C22orf42: variants seen among roughly 807,000 people sequenced by gnomAD.
C22orf42 encodes chromosome 22 open reading frame 42, also known as uncharacterized protein C22orf42.
In C22orf42, 24 loss-of-function variants were observed where a neutral mutation model predicts 31.4. The ratio of observed to expected loss-of-function variants is 0.77; its 90% CI spans 0.55 to 1.08. The LOEUF (loss-of-function observed/expected upper bound fraction) is 1.08, where lower values mean the gene tolerates loss of function less well. Among genes scored for constraint, C22orf42 ranks in the 50% least tolerant of loss-of-function variants. The pLI is 0.00. For synonymous variants in C22orf42, 96 were observed against 112.7 expected (o/e 0.85, Z 0.94); for missense variants, 276 against 327.3 (o/e 0.84, Z 1.21).
rs1480548771 is a variant in C22orf42, at chr22:32,149,420, G to A, written c.*120C>T. On this transcript the variant is annotated 3_prime_UTR_variant, in exon 9 of 9. Coordinates refer to ENST00000382097, the MANE Select transcript of C22orf42 (RefSeq NM_001010859.3). ...AAACTGCAGGTCACTGTTCACAGGT[G>A]CTCAGTAGGAAGAGAGAGAGGCTTG... 48 of 1,232,720 alleles carry A rather than the reference G, an allele frequency of 3.9e-5. No individual in the cohort carries two copies. Among genetic ancestry groups the A allele is most frequent in the Non-Finnish European group, 4.9e-5 (47 of 955,838 alleles). The allele number at this position is 1,232,720 out of a possible 1,614,324, so 76.4% of individuals were successfully genotyped here. A position where few individuals can be genotyped will look rare whatever the true frequency, so the allele number is the denominator to read the frequency against.
intron 1 of C22orf42, among the ~76,000 whole-genome samples, chr22:32,155,877 G>A (rs1250037327): frequency 1.3e-5 from 2 of 152,096 alleles, no homozygotes; most frequent in African/African-American, 2.4e-5. Context: ...TACAAAAAAT[G>A]TTTTAAAAAT....
intron 8 of C22orf42, 27 bp downstream of exon 8, chr22:32,149,726 T>G (rs916249311): frequency 5.8e-6 from 7 of 1,197,876 alleles, no homozygotes; most frequent in Non-Finnish European, 6.5e-6. Context: ...TATATATCTA[T>G]ATATATCTAG....
chr22:32,149,508 G>A lies in C22orf42; in HGVS notation c.*32C>T. On this transcript the variant is annotated 3_prime_UTR_variant, in exon 9 of 9. Coordinates refer to ENST00000382097, the MANE Select transcript of C22orf42 (RefSeq NM_001010859.3). Reference sequence around the variant, plus strand: ...AAAATGATTTGAGCTGGGCGTGATGGCAGGCGTCTGTAATCCCAGCTACTT... The same window carrying A: ...AAAATGATTTGAGCTGGGCGTGATGACAGGCGTCTGTAATCCCAGCTACTT... 1 of 1,507,588 alleles carries A rather than the reference G, an allele frequency of 6.6e-7. No homozygotes were observed. 93.4% of individuals were successfully genotyped at this position (1,507,588 alleles called of 1,614,324 possible). A position where few individuals can be genotyped will look rare whatever the true frequency, so the allele number is the denominator to read the frequency against.
At chr22:32,152,034 G>A (rs73881618) in intron 4 of C22orf42, 33 bp downstream of exon 4, 40,692 of 1,583,750 alleles carry the variant, frequency 0.026, 868 homozygotes, top group African/African-American at 0.11. Context: ...TCAACTACAT[G>A]TAAATAAAGC....
intron 8 of C22orf42, 55 bp from the exon 9 acceptor site, chr22:32,149,668 T>G (rs1603175140): frequency 8.0e-7 from 1 of 1,256,434 alleles, no homozygotes; most frequent in East Asian, 3.0e-5. Context: ...TATATATATA[T>G]CTACATATAT....
intron 1 of C22orf42, 146 bp downstream of exon 1, chr22:32,158,838 C>T: frequency 1.1e-6 from 1 of 882,754 alleles, no homozygotes; most frequent in Non-Finnish European, 1.8e-6. Context: ...GCCTTTGTCC[C>T]CCATGCCTAG....
chr22:32,160,002 AAAACCATATAGTGG>A, upstream of C22orf42: 3 of 152,264 alleles, frequency 2.0e-5, no homozygotes, highest in African/African-American at 7.2e-5. Flanking sequence ...CACAAAATTG[AAAACCATATAGTGG>A]GATACCACTG....
At chr22:32,150,866 T>G (rs2094111870) in intron 6 of C22orf42, 126 bp downstream of exon 6, 2 of 980,932 alleles carry the variant, frequency 2.0e-6, no homozygotes, top group African/African-American at 1.7e-5. Context: ...GTTCTAAGAT[T>G]AGATTGTAAC....
chr22:32,158,894 A>T, intron 1 of C22orf42, 90 bp downstream of exon 1: 1 of 1,403,440 alleles, frequency 7.1e-7, no homozygotes, highest in Non-Finnish European at 1.0e-6. Context: ...GAAGCTGAGG[A>T]TGTCTCTGAG....
Position 32,159,101 on chromosome 22 carries a change from TG to T in C22orf42, c.114del (p.Thr39GlnfsTer15). 6.2e-7 allele frequency: 1 copy of T among 1,614,184 alleles called. No individual in the cohort carries two copies. On this transcript the variant is annotated frameshift_variant, in exon 1 of 9. Coordinates refer to ENST00000382097, the MANE Select transcript of C22orf42 (RefSeq NM_001010859.3). LOFTEE classifies it high-confidence loss of function. Reference protein sequence around the residue: ...HECEIPETVAATAPASTTAKP... With the variant: ...HECEIPETVAXTAPASTTAKP... ...TTTGCAGTGGTGGATGCTGGTGCTG[TG>T]GCTGCCACAGTCTCAGGAATCTCAC...
Position 32,150,479 on chromosome 22 carries a change from T to G in C22orf42, c.494A>C (p.His165Pro), listed in dbSNP as rs557771058. 2.1e-4 allele frequency: 339 copies of G among 1,613,972 alleles called. No individual in the cohort carries two copies. The highest frequency in any genetic ancestry group is 2.7e-4 in the Non-Finnish European group (324 of 1,179,982). Residue 165 changes from histidine to proline, a missense_variant and splice_region_variant, in exon 7 of 9, where the codon CAT becomes CCT. His to Pro is a moderately conservative substitution (Grantham distance 77). Transcript: ENST00000382097. Reference sequence around the variant, plus strand: ...GCTTTCACTGAGATCTTCGACCAAATCTAGGAGAACATAGTGACAGTCAGT... The same window carrying G: ...GCTTTCACTGAGATCTTCGACCAAAGCTAGGAGAACATAGTGACAGTCAGT... ...IEISEAKHDH[H>P]LVEDLSESLS...
At chr22:32,149,641 C>CAA (rs142171049) in intron 8 of C22orf42, 28 bp from the exon 9 acceptor site, 38,872 of 1,224,374 alleles carry the variant, frequency 0.032, 718 homozygotes, top group African/African-American at 0.16. Context: ...GACTTCATCT[C>CAA]AAAAAAAAAA....
chr22:32,156,619 G>T (rs1217224372), intron 1 of C22orf42, among the ~76,000 whole-genome samples: 1 of 133,114 alleles, frequency 7.5e-6, no homozygotes, highest in Non-Finnish European at 1.6e-5. Flanking sequence ...GTATGTTACC[G>T]CATGTTCTCC....
intron 3 of C22orf42, 149 bp from the exon 4 acceptor site, chr22:32,152,243 G>A (rs1921005009): frequency 1.1e-6 from 1 of 938,142 alleles, no homozygotes. Flanking sequence ...CATAGAGGAT[G>A]CTTGTGGAAA....
rs1326078681 is a variant in C22orf42, at chr22:32,155,501, G to A, written c.233-1183C>T. ...ACACAGCATACCATGGAGCTGCTGC[G>A]TGCCCCAGTCCTGTGCACACTCACG... On this transcript the variant is annotated intron_variant, in intron 1 of 8. Transcript: ENST00000382097. Among the ~76,000 whole-genome samples, 17 of 151,282 alleles carry A rather than the reference G, an allele frequency of 1.1e-4. No homozygotes were observed. In the South Asian group the frequency reaches 2.5e-3, roughly 23 times the overall value.
intron 8 of C22orf42, 35 bp from the exon 9 acceptor site, chr22:32,149,648 A>ATAT: frequency 7.5e-7 from 1 of 1,338,604 alleles, no homozygotes; most frequent in South Asian, 2.0e-5. Context: ...TCTCAAAAAA[A>ATAT]AAATATATAT....
chr22:32,152,459 G>A, intron 3 of C22orf42, 103 bp downstream of exon 3: 1 of 985,662 alleles, frequency 1.0e-6, no homozygotes, highest in Non-Finnish European at 1.6e-6. Flanking sequence ...TGACACTGAG[G>A]CCTGAATCAT....
At chr22:32,159,683 C>T (rs374878432), upstream of C22orf42, among the ~76,000 whole-genome samples, 6 of 152,216 alleles carry the variant, frequency 3.9e-5, no homozygotes, top group African/African-American at 1.2e-4. Context: ...ACACAAATTT[C>T]GGACTGCTTT....
intron 4 of C22orf42, 30 bp downstream of exon 4, chr22:32,152,037 A>C: frequency 6.3e-7 from 1 of 1,590,682 alleles, no homozygotes; most frequent in South Asian, 1.2e-5. Context: ...ACTACATGTA[A>C]ATAAAGCTGT....
Sources: allele counts gnomAD v4.1 joint callset (sites outside exome capture counted in the v4.1 genomes callset), GRCh38; gene constraint gnomAD v4.1.1; transcripts MANE v1.5; gene names NCBI Gene and HGNC (gene_info 2026-07-23, HGNC 2026-07-21).